Variants in DENND10 observed in about 807,000 individuals in gnomAD.
DENND10 encodes the protein DENN domain containing 10.
A neutral mutation model predicts 43.6 loss-of-function variants in DENND10; 24 were observed. That is an observed-to-expected ratio of 0.55 (90% confidence interval 0.40 to 0.77). The LOEUF (loss-of-function observed/expected upper bound fraction) is 0.77, where lower values mean the gene tolerates loss of function less well. Among genes scored for constraint, DENND10 ranks in the 30% least tolerant of loss-of-function variants. The pLI is 0.00. For missense variants in DENND10, 303 were observed against 429.9 expected, an observed-to-expected ratio of 0.70 and a Z score of 2.61; for synonymous variants, 125 against 157.6, an observed-to-expected ratio of 0.79 and a Z score of 1.55.
intron 2 of DENND10, among the ~76,000 whole-genome samples, chr10:119,109,041 C>G (rs956122814): frequency 6.6e-6 from 1 of 151,124 alleles, no homozygotes; most frequent in Admixed American, 6.6e-5. Flanking sequence ...ATGGAGAAAC[C>G]GCATCTCTAC....
At chr10:119,108,953 G>A (rs965006070) in intron 2 of DENND10, among the ~76,000 whole-genome samples, 76 of 146,176 alleles carry the variant, frequency 5.2e-4, no homozygotes, top group Non-Finnish European at 1.0e-3. Flanking sequence ...GTTGGCTCAC[G>A]CCAGTAATCC....
chr10:119,104,309 G>C (rs1259253290), intron 1 of DENND10, 112 bp downstream of exon 1: 67 of 1,019,488 alleles, frequency 6.6e-5, no homozygotes, highest in Non-Finnish European at 8.6e-5. Flanking sequence ...CGCATGAGGA[G>C]GGCGCGGCCC....
chr10:119,113,213 A>G (rs1210500984), intron 3 of DENND10, among the ~76,000 whole-genome samples: 1 of 146,490 alleles, frequency 6.8e-6, no homozygotes, highest in African/African-American at 2.5e-5. Flanking sequence ...TTTTAGCGAC[A>G]CGGTCTTGCT....
rs2133549252 is a variant in DENND10, at chr10:119,136,623, A to G, written c.1050A>G (p.Ala350=). Residue 350 remains alanine, a synonymous_variant, in exon 9 of 9, where the codon GCA becomes GCG. Coordinates refer to ENST00000361432, the MANE Select transcript of DENND10 (RefSeq NM_207009.4). The stretch of plus-strand genomic sequence containing the variant: ...AAAACTTCCTTTATCATCTAGCAGC[A>G]GCCGAACAAATGCTGAAAATCTGAC... ...ATENFLYHLA[A]AEQMLKI is the part of the protein sequence containing the mutation. 1 of 1,530,074 alleles carries G rather than the reference A, an allele frequency of 6.5e-7. No homozygotes were observed. Among genetic ancestry groups the G allele is most frequent in the South Asian group, 1.2e-5 (1 of 81,748 alleles). The allele number at this position is 1,530,074 out of a possible 1,614,324, so 94.8% of individuals were successfully genotyped here.
chr10:119,118,837 A>ATTT (rs33924884), intron 4 of DENND10, among the ~76,000 whole-genome samples: 1 of 84,234 alleles, frequency 1.2e-5, no homozygotes, highest in African/African-American at 4.4e-5. Flanking sequence ...TGCCCAGCTA[A>ATTT]TTTTTTTTTT....
intron 8 of DENND10, among the ~76,000 whole-genome samples, chr10:119,135,791 TAAAAAAAAAAA>T (rs367836571): frequency 2.0e-4 from 13 of 64,008 alleles, no homozygotes; most frequent in Non-Finnish European, 3.3e-4. Context: ...ACTAAAATTG[TAAAAAAAAAAA>T]AAAAAAAAAA....
At chr10:119,107,443 G>C (rs974864277) in intron 1 of DENND10, among the ~76,000 whole-genome samples, 1 of 140,078 alleles carries the variant, frequency 7.1e-6, no homozygotes, top group African/African-American at 2.7e-5. Context: ...TTGCTCTGTT[G>C]CCCAGGCTAG....
intron 7 of DENND10, among the ~76,000 whole-genome samples, chr10:119,131,046 G>A (rs1249632341): frequency 5.3e-5 from 8 of 152,248 alleles, no homozygotes; most frequent in Non-Finnish European, 8.8e-5. Flanking sequence ...TGTGACTCCA[G>A]TATGGAAAAT....
At chr10:119,123,441 A>G (rs1441423871) in intron 5 of DENND10, 28 bp from the exon 6 acceptor site, 3 of 1,563,538 alleles carry the variant, frequency 1.9e-6, no homozygotes, top group African/African-American at 2.7e-5. Context: ...GACCAGCAAC[A>G]ACTTGAGTTC....
At chr10:119,126,234 G>C (rs934162421) in intron 6 of DENND10, among the ~76,000 whole-genome samples, 6 of 152,068 alleles carry the variant, frequency 3.9e-5, no homozygotes, top group Non-Finnish European at 5.9e-5. Context: ...TCCAAATCTT[G>C]GTGGTTGTGA....
intron 3 of DENND10, chr10:119,114,444 G>A (rs1385276782): frequency 6.6e-6 from 1 of 152,248 alleles, no homozygotes; most frequent in Non-Finnish European, 1.5e-5. Context: ...AAGCCCGCAG[G>A]AGGGAACCTC....
chr10:119,110,179 GT>G (rs1293679847), intron 2 of DENND10, among the ~76,000 whole-genome samples: 11 of 146,176 alleles, frequency 7.5e-5, no homozygotes, highest in Admixed American at 6.9e-5. Flanking sequence ...TTTTGTTTTT[GT>G]TTTTTTTTTG....
rs948323454 is a variant in DENND10 at position 119,132,056 on chromosome 10, T to C, written c.803-459T>C. 2.0e-5 allele frequency among the ~76,000 whole-genome samples: 3 copies of C among 152,208 alleles called. No homozygotes were observed. Among genetic ancestry groups the C allele is most frequent in the African/African-American group, 7.2e-5 (3 of 41,442 alleles). On this transcript the variant is annotated intron_variant, in intron 7 of 8. Transcript: ENST00000361432. The surrounding 1 kb of genome is among the most constrained non-coding windows in gnomAD (Gnocchi z 4.2). ...TTAGGTGGTTTCCTTTGCTCATTTC[T>C]AAGAATCTAAACGAATTGAGCGCCC...
chr10:119,113,855 A>G (rs1295048979), intron 3 of DENND10, among the ~76,000 whole-genome samples: 1 of 152,214 alleles, frequency 6.6e-6, no homozygotes, highest in Non-Finnish European at 1.5e-5. Flanking sequence ...CTCACTGTGG[A>G]TAAACAGTTG....
intron 7 of DENND10, 21 bp downstream of exon 7, chr10:119,129,643 T>C (rs1845995620): frequency 6.6e-7 from 1 of 1,526,520 alleles, no homozygotes; most frequent in Non-Finnish European, 9.1e-7. Context: ...TGTTCTGTTC[T>C]TGATACAAGA....
intron 6 of DENND10, among the ~76,000 whole-genome samples, chr10:119,127,916 C>T (rs1589742220): frequency 6.6e-6 from 1 of 152,170 alleles, no homozygotes; most frequent in Non-Finnish European, 1.5e-5. Flanking sequence ...AGGCAGGAGC[C>T]ACTGCCCCCA....
chr10:119,110,873 A>C (rs1844941542), intron 2 of DENND10, among the ~76,000 whole-genome samples: 1 of 152,218 alleles, frequency 6.6e-6, no homozygotes, highest in Admixed American at 6.5e-5. Context: ...AACGAAGAAC[A>C]ATTGCTATTC....
intron 3 of DENND10, among the ~76,000 whole-genome samples, chr10:119,113,511 A>AG (rs397822849): frequency 6.6e-6 from 1 of 150,984 alleles, no homozygotes; most frequent in East Asian, 1.9e-4. Flanking sequence ...AAAAAAAAAA[A>AG]TGTTGTTACT....
chr10:119,113,500 TA>T (rs11447507), intron 3 of DENND10, among the ~76,000 whole-genome samples: 28 of 148,536 alleles, frequency 1.9e-4, no homozygotes, highest in African/African-American at 4.7e-4. Context: ...CCTAGCCCTT[TA>T]AAAAAAAAAA....
Sources: gnomAD v4.1 joint callset for allele counts (sites outside exome capture counted in the v4.1 genomes callset) on GRCh38, gnomAD v4.1.1 for gene constraint, Gnocchi (gnomAD v3.1) non-coding constraint, MANE v1.5 for transcripts, NCBI Gene and HGNC (gene_info 2026-07-23, HGNC 2026-07-21) for gene names.